CNTN3: variants seen among roughly 807,000 people sequenced by gnomAD.
The protein encoded by CNTN3 is contactin-3.
CNTN3 carries 60 observed loss-of-function variants against 119.1 expected under a neutral mutation model. The observed-to-expected ratio is 0.50, with a 90% CI of 0.41 to 0.62. CNTN3 has a LOEUF of 0.62. CNTN3 is among the 20% of genes least tolerant of loss of function. The pLI is 0.00. For missense variants in CNTN3, 1,101 were observed against 1,242.4 expected (o/e 0.89, Z 1.71); for synonymous variants, 450 against 438.7 (o/e 1.03, Z -0.32).
At chr3:74,357,540 C>A (rs1703965817) in intron 11 of CNTN3, among the ~76,000 whole-genome samples, 1 of 151,656 alleles carries the variant, frequency 6.6e-6, no homozygotes, top group Non-Finnish European at 1.5e-5. Flanking sequence ...GCCTTGGCCT[C>A]CCAAAGTGCT....
intron 20 of CNTN3, among the ~76,000 whole-genome samples, chr3:74,283,788 T>TACA (rs1167502376): frequency 6.6e-6 from 1 of 152,164 alleles, no homozygotes; most frequent in African/African-American, 2.4e-5. Context: ...CAAACATATT[T>TACA]AGTAAAGAGT....
chr3:74,378,209 A>G (rs1704525786), intron 5 of CNTN3, among the ~76,000 whole-genome samples: 1 of 152,242 alleles, frequency 6.6e-6, no homozygotes, highest in Admixed American at 6.5e-5. Flanking sequence ...TCTGGGATGC[A>G]GTATGTACTC....
chr3:74,404,603 A>G (rs1433192138), intron 5 of CNTN3, among the ~76,000 whole-genome samples: 2 of 152,026 alleles, frequency 1.3e-5, no homozygotes, highest in Non-Finnish European at 2.9e-5. Context: ...GTATTGGAAA[A>G]AAAATTAGAG....
intron 4 of CNTN3, among the ~76,000 whole-genome samples, chr3:74,459,505 C>A (rs9681632): frequency 0.53 from 80,034 of 151,714 alleles, 21,415 homozygotes; most frequent in Non-Finnish European, 0.55. Context: ...ATCTCTGACC[C>A]GCCTATCTTC....
chr3:74,479,172 C>T (rs1702714388), intron 4 of CNTN3, among the ~76,000 whole-genome samples: 2 of 151,916 alleles, frequency 1.3e-5, no homozygotes, highest in Admixed American at 6.6e-5. Context: ...ACAGAGAAAA[C>T]TAAAGACAGG....
At chr3:74,484,986 T>C (rs1472151807) in intron 4 of CNTN3, among the ~76,000 whole-genome samples, 1 of 152,114 alleles carries the variant, frequency 6.6e-6, no homozygotes, top group Admixed American at 6.5e-5. Context: ...AATAAGAATA[T>C]AAAAATAAGA....
At chr3:74,268,721 T>C (rs2106745464) in intron 20 of CNTN3, among the ~76,000 whole-genome samples, 1 of 152,266 alleles carries the variant, frequency 6.6e-6, no homozygotes, top group East Asian at 1.9e-4. Context: ...CTAATGACCA[T>C]GTTCTGGTTA....
intron 13 of CNTN3, among the ~76,000 whole-genome samples, chr3:74,319,341 G>C (rs1255964296): frequency 6.6e-6 from 1 of 152,112 alleles, no homozygotes; most frequent in African/African-American, 2.4e-5. Flanking sequence ...GAATAGAACA[G>C]AGCCCTCAGA....
At chr3:74,424,091 C>T (rs965326346) in intron 5 of CNTN3, among the ~76,000 whole-genome samples, 3 of 152,100 alleles carry the variant, frequency 2.0e-5, no homozygotes, top group Admixed American at 6.6e-5. Context: ...TAACAAAATA[C>T]GTGTTTCTCT....
chr3:74,344,396 GGTTTTTTTTTTTTTTTTTTTTTTTT>G (rs60161983), intron 11 of CNTN3, among the ~76,000 whole-genome samples: 51,194 of 87,636 alleles, frequency 0.58, 19,405 homozygotes, highest in East Asian at 0.79. Flanking sequence ...CTTACACAGT[GGTTTTTTTTTTTTTTTTTTTTTTTT>G]TTTTTTTTTT....
At chr3:74,297,809 T>C in intron 18 of CNTN3, 148 bp downstream of exon 18, 1 of 602,236 alleles carries the variant, frequency 1.7e-6, no homozygotes, top group East Asian at 2.8e-5. Flanking sequence ...GATTGATCTT[T>C]ATGACTTGCA....
intron 5 of CNTN3, among the ~76,000 whole-genome samples, chr3:74,372,737 T>A (rs1360574550): frequency 6.6e-6 from 1 of 152,024 alleles, no homozygotes; most frequent in Non-Finnish European, 1.5e-5. Context: ...AACAATGAGA[T>A]AAGGAGAAGG....
chr3:74,600,217 A>G (rs1223776621), intron 1 of CNTN3, among the ~76,000 whole-genome samples: 3 of 152,108 alleles, frequency 2.0e-5, no homozygotes, highest in East Asian at 1.9e-4. Flanking sequence ...TAAGGTGAAT[A>G]GGGGAGTTGA....
At chr3:74,607,326 G>A (rs994970220) in intron 1 of CNTN3, among the ~76,000 whole-genome samples, 1 of 152,158 alleles carries the variant, frequency 6.6e-6, no homozygotes, top group Admixed American at 6.6e-5. Flanking sequence ...CATCAGATTA[G>A]ATCACTAGCT....
intron 4 of CNTN3, among the ~76,000 whole-genome samples, chr3:74,465,070 A>T (rs8180010): frequency 0.71 from 107,611 of 151,602 alleles, 38,542 homozygotes; most frequent in African/African-American, 0.8. Flanking sequence ...CCTTGCTTTA[A>T]TATTTCTATT....
intron 1 of CNTN3, among the ~76,000 whole-genome samples, chr3:74,533,579 A>C (rs1703722842): frequency 6.6e-6 from 1 of 151,994 alleles, no homozygotes; most frequent in Admixed American, 6.6e-5. Context: ...GAAATAACTG[A>C]GGTAGAAAAA....
intron 1 of CNTN3, among the ~76,000 whole-genome samples, chr3:74,535,991 C>T (rs1448622599): frequency 6.6e-6 from 1 of 152,032 alleles, no homozygotes; most frequent in African/African-American, 2.4e-5. Context: ...AGAAACAATT[C>T]AATATTTTCC....
At chr3:74,305,577 T>C (rs926170756) in intron 13 of CNTN3, among the ~76,000 whole-genome samples, 5 of 151,940 alleles carry the variant, frequency 3.3e-5, no homozygotes, top group African/African-American at 9.7e-5. Flanking sequence ...CAAAAATGAA[T>C]GAACTGCAAC....
At chr3:74,361,708 T>C (rs142580403) in intron 11 of CNTN3, among the ~76,000 whole-genome samples, 182 bp downstream of exon 11, 91 of 152,248 alleles carry the variant, frequency 6.0e-4, no homozygotes, top group African/African-American at 2.1e-3. Context: ...GTGTTTAGAT[T>C]TCAAAAAACT....
Sources: gnomAD v4.1 joint callset for allele counts (sites outside exome capture counted in the v4.1 genomes callset) on GRCh38, gnomAD v4.1.1 for gene constraint, MANE v1.5 for transcripts, NCBI Gene and HGNC (gene_info 2026-07-23, HGNC 2026-07-21) for gene names.